Variants in HAPLN1 observed in about 807,000 individuals in gnomAD.
HAPLN1 encodes hyaluronan and proteoglycan link protein 1.
A neutral mutation model predicts 36.5 loss-of-function variants in HAPLN1; 13 were observed. The ratio of observed to expected loss-of-function variants is 0.36; its 90% confidence interval spans 0.23 to 0.57. The LOEUF (loss-of-function observed/expected upper bound fraction) is 0.57. Ranked by LOEUF, HAPLN1 falls within the 20% of genes least tolerant of loss-of-function variation. HAPLN1 has a pLI of 0.83. For synonymous variants in HAPLN1, 202 were observed against 169.8 expected (o/e 1.19, Z -1.48); for missense variants, 407 against 439.7 (o/e 0.93, Z 0.66).
At chr5:83,653,665 C>T (rs542425774) in intron 2 of HAPLN1, among the ~76,000 whole-genome samples, 135 of 152,348 alleles carry the variant, frequency 8.9e-4, no homozygotes, top group African/African-American at 3.1e-3. Flanking sequence ...TTCCACCTTT[C>T]CTTTCCTTGT....
At chr5:83,641,823 TC>T in intron 4 of HAPLN1, 38 bp from the exon 5 acceptor site, 1 of 1,590,798 alleles carries the variant, frequency 6.3e-7, no homozygotes, top group Admixed American at 1.7e-5. Context: ...GGGCTGGTCT[TC>T]AATTGAGCCA....
intron 1 of HAPLN1, chr5:83,675,179 C>A (rs1175042400): frequency 6.6e-6 from 1 of 152,106 alleles, no homozygotes; most frequent in Non-Finnish European, 1.5e-5. Context: ...TACCTATTTT[C>A]AGCCCAGGAT....
chr5:83,644,632 C>T lies in HAPLN1; in HGVS notation c.506G>A (p.Arg169His), dbSNP rs374286486. ...CGCCTCGTGAAAATTGAGATTGTAG[C>T]GCCCCAGTCGTGGAAAGTAAGGGAA... ...VVFPYFPRLG[R>H]YNLNFHEAQQ... Residue 169 changes from arginine to histidine, a missense_variant, in exon 4 of 5, where the codon CGC becomes CAC. Coordinates refer to ENST00000274341, the MANE Select transcript of HAPLN1 (RefSeq NM_001884.4). 19 of 1,488,850 alleles carry T rather than the reference C, an allele frequency of 1.3e-5. No individual in the cohort carries two copies. The highest frequency in any genetic ancestry group is 7.4e-5 in the East Asian group (3 of 40,506). 92.2% of individuals were successfully genotyped at this position (1,488,850 alleles called of 1,614,324 possible). A position where few individuals can be genotyped will look rare whatever the true frequency, so the allele number is the denominator to read the frequency against.
At chr5:83,689,758 TTG>T (rs376925936) in intron 1 of HAPLN1, among the ~76,000 whole-genome samples, 1 of 152,022 alleles carries the variant, frequency 6.6e-6, no homozygotes, top group African/African-American at 2.4e-5. Context: ...CTATAGAAGT[TTG>T]TGTGTGTGTG....
At chr5:83,714,689 G>A (rs1291315500) in intron 1 of HAPLN1, among the ~76,000 whole-genome samples, 2 of 152,046 alleles carry the variant, frequency 1.3e-5, no homozygotes, top group African/African-American at 2.4e-5. Flanking sequence ...TCATCTCCAC[G>A]ACTTTGAGGA....
rs552852234 is a variant in HAPLN1, at chr5:83,639,204, G to A, written c.*2292C>T. ...ACTCATTCAAGTATGAGTATAAAGG[G>A]CATGGAAATTCTGGTCCTTTGAGCA... On this transcript the variant is annotated 3_prime_UTR_variant, in exon 5 of 5. Transcript: ENST00000274341. 6 of 152,092 alleles carry A rather than the reference G, an allele frequency of 3.9e-5. No individual in the cohort carries two copies. Among genetic ancestry groups the A allele is most frequent in the African/African-American group, 1.4e-4 (6 of 41,526 alleles). 9.4% of individuals were successfully genotyped at this position (152,092 alleles called of 1,614,324 possible).
At chr5:83,686,621 C>A (rs1391461375) in intron 1 of HAPLN1, among the ~76,000 whole-genome samples, 3 of 152,120 alleles carry the variant, frequency 2.0e-5, no homozygotes, top group African/African-American at 7.2e-5. Flanking sequence ...CTAATGCTGA[C>A]TAAAATTGTA....
rs1380887207 is a variant in HAPLN1 at position 83,638,124 on chromosome 5, A to G, written c.*3372T>C. On this transcript the variant is annotated 3_prime_UTR_variant, in exon 5 of 5. Coordinates refer to ENST00000274341, the MANE Select transcript of HAPLN1 (RefSeq NM_001884.4). ...AGAATGAATTAAATGCCTTTCTTGG[A>G]AATAATGTATTGACAGAGTTTGACA... 1 of 151,942 alleles carries G rather than the reference A, an allele frequency of 6.6e-6. No individual in the cohort carries two copies. The highest frequency in any genetic ancestry group is 1.5e-5 in the Non-Finnish European group (1 of 67,898). 9.4% of individuals were successfully genotyped at this position (151,942 alleles called of 1,614,324 possible).
chr5:83,643,126 C>G (rs1285701001), intron 4 of HAPLN1, among the ~76,000 whole-genome samples: 1 of 151,944 alleles, frequency 6.6e-6, no homozygotes, highest in Non-Finnish European at 1.5e-5. Context: ...GAGTTGGAGA[C>G]CAGCCTGGCC....
chr5:83,655,610 T>C (rs1750187250), intron 2 of HAPLN1, among the ~76,000 whole-genome samples: 1 of 152,036 alleles, frequency 6.6e-6, no homozygotes, highest in African/African-American at 2.4e-5. Context: ...GTATGTAACA[T>C]ATTTAGTGAC....
At chr5:83,700,271 C>A (rs1398057522) in intron 1 of HAPLN1, among the ~76,000 whole-genome samples, 1 of 150,904 alleles carries the variant, frequency 6.6e-6, no homozygotes, top group East Asian at 1.9e-4. Context: ...ATACTGCATA[C>A]AAATAAAGAC....
At chr5:83,688,806 C>T (rs1161509860) in intron 1 of HAPLN1, among the ~76,000 whole-genome samples, 1 of 151,956 alleles carries the variant, frequency 6.6e-6, no homozygotes, top group African/African-American at 2.4e-5. Context: ...ACTCTTCTAT[C>T]ACCCTCTGCT....
At chr5:83,645,885 A>C (rs1177662654) in intron 3 of HAPLN1, among the ~76,000 whole-genome samples, 1 of 152,200 alleles carries the variant, frequency 6.6e-6, no homozygotes, top group Non-Finnish European at 1.5e-5. Flanking sequence ...AAACAGGAAA[A>C]AAAAACTTCC....
chr5:83,669,880 G>A (rs1306794389), intron 2 of HAPLN1, among the ~76,000 whole-genome samples: 1 of 152,148 alleles, frequency 6.6e-6, no homozygotes, highest in East Asian at 1.9e-4. Flanking sequence ...GGGTAACTGG[G>A]ATTTGGAGAG....
chr5:83,675,529 C>T (rs1247881193), intron 1 of HAPLN1, among the ~76,000 whole-genome samples: 2 of 152,056 alleles, frequency 1.3e-5, no homozygotes, highest in African/African-American at 4.8e-5. Context: ...GTTTATCCTA[C>T]CACTGCAACC....
rs1259563824 is a variant in HAPLN1 at position 83,638,991 on chromosome 5, T to A, written c.*2505A>T. On this transcript the variant is annotated 3_prime_UTR_variant, in exon 5 of 5. Coordinates refer to ENST00000274341, the MANE Select transcript of HAPLN1 (RefSeq NM_001884.4). ...TCCTGGCCCAGCCTCCCATCTAATC[T>A]CTTTGATACTCTTGGAATCTAAGTC... 6.6e-6 allele frequency: 1 copy of A among 152,044 alleles called. No individual in the cohort carries two copies. Among genetic ancestry groups the A allele is most frequent in the Non-Finnish European group, 1.5e-5 (1 of 67,926 alleles). The allele number at this position is 152,044 out of a possible 1,614,324, so 9.4% of individuals were successfully genotyped here.
intron 1 of HAPLN1, among the ~76,000 whole-genome samples, chr5:83,710,659 A>G (rs17284657): frequency 0.06 from 9,199 of 152,300 alleles, 333 homozygotes; most frequent in Admixed American, 0.071. Flanking sequence ...AAATGCCAAT[A>G]AGAAAAATAG....
Position 83,709,885 on chromosome 5 carries a change from T to C in HAPLN1, c.-27+10904A>G, listed in dbSNP as rs1314214265. On this transcript the variant is annotated intron_variant, in intron 1 of 4. Transcript: ENST00000274341. ...GCAGGAATTCAGTAAGAGAGGATGA[T>C]AAGGAAGGTCAGGATTTATGCTAAT... is the stretch of plus-strand genomic sequence containing the variant. Among the ~76,000 whole-genome samples the C allele has an allele frequency of 2.0e-5, 3 of 152,202 alleles. No homozygotes were observed. In the East Asian group the frequency reaches 5.8e-4, roughly 29 times the overall value.
chr5:83,692,109 G>A (rs1041328220), intron 1 of HAPLN1, among the ~76,000 whole-genome samples: 2 of 151,766 alleles, frequency 1.3e-5, no homozygotes, highest in Admixed American at 1.3e-4. Flanking sequence ...GAAGAAAAAT[G>A]ACTGAAAACT....
Sources: gnomAD v4.1 joint callset for allele counts (sites outside exome capture counted in the v4.1 genomes callset) on GRCh38, gnomAD v4.1.1 for gene constraint, MANE v1.5 for transcripts, NCBI Gene and HGNC (gene_info 2026-07-23, HGNC 2026-07-21) for gene names.